Variants in CDH13 observed in about 807,000 individuals in gnomAD.
The protein encoded by CDH13 is cadherin-13.
CDH13 carries 24 observed loss-of-function variants against 63.8 expected under a neutral mutation model. That is an observed-to-expected ratio of 0.38 (90% CI 0.27 to 0.53). The LOEUF is 0.53. Among genes scored for constraint, CDH13 ranks in the 20% least tolerant of loss-of-function variants. The probability of loss-of-function intolerance (pLI) is 0.85; values close to 1 mark genes in which losing one functional copy is unlikely to be tolerated. For synonymous variants in CDH13, 503 were observed against 355.3 expected, an observed-to-expected ratio of 1.42 and a Z score of -4.67; for missense variants, 1,049 against 903.1, an observed-to-expected ratio of 1.16 and a Z score of -2.07.
chr16:83,269,182 A>C (rs1359015044), intron 5 of CDH13, among the ~76,000 whole-genome samples: 1 of 152,176 alleles, frequency 6.6e-6, no homozygotes, highest in African/African-American at 2.4e-5. Context: ...TAGAAATTCA[A>C]ATGTTGTGTC....
chr16:83,783,214 GTCTCATCCA>G (rs763149926), intron 12 of CDH13, 31 bp from the exon 13 acceptor site: 2 of 1,400,418 alleles, frequency 1.4e-6, no homozygotes, highest in African/African-American at 2.8e-5. Flanking sequence ...ATTGGAAAAA[GTCTCATCCA>G]CTCTCACCAG....
At chr16:83,113,768 T>G (rs543485475) in intron 3 of CDH13, among the ~76,000 whole-genome samples, 6 of 152,044 alleles carry the variant, frequency 3.9e-5, no homozygotes, top group Admixed American at 1.3e-4. Flanking sequence ...AGTCACAAGG[T>G]GAGAAGCCCT....
intron 1 of CDH13, among the ~76,000 whole-genome samples, chr16:82,799,364 A>G (rs1369036471): frequency 1.3e-5 from 2 of 152,210 alleles, no homozygotes; most frequent in Admixed American, 6.5e-5. Flanking sequence ...ACTACAAATC[A>G]CTTCCTCTTG....
intron 2 of CDH13, among the ~76,000 whole-genome samples, chr16:82,956,308 C>T (rs1468156601): frequency 6.6e-6 from 1 of 152,078 alleles, no homozygotes; most frequent in African/African-American, 2.4e-5. Context: ...TAGATCTAAA[C>T]CACCATTATC....
intron 3 of CDH13, among the ~76,000 whole-genome samples, chr16:83,079,019 T>C (rs2033048460): frequency 6.6e-6 from 1 of 152,196 alleles, no homozygotes; most frequent in African/African-American, 2.4e-5. Context: ...GGTCTTGAAC[T>C]CCTGACCTCA....
intron 1 of CDH13, among the ~76,000 whole-genome samples, chr16:82,630,205 G>C (rs188382248): frequency 2.0e-5 from 3 of 152,290 alleles, no homozygotes; most frequent in African/African-American, 7.2e-5. Context: ...AAAGGACACA[G>C]GGTTGAAGAG....
chr16:83,608,329 T>C lies in CDH13; in HGVS notation c.1101+5735T>C, dbSNP rs1349119591. 6.5e-4 allele frequency among the ~76,000 whole-genome samples: 99 copies of C among 152,256 alleles called. 2 individuals are homozygous for C. Among genetic ancestry groups the C allele is most frequent in the Non-Finnish European group, 4.9e-4 (33 of 68,000 alleles). On this transcript the variant is annotated intron_variant, in intron 8 of 13. Transcript: ENST00000567109. ...AGGGACAAAGGTAAATGGTAGGAGT[T>C]AGGAGCTGTCAAGCTGCAAGTGAGC...
intron 10 of CDH13, among the ~76,000 whole-genome samples, chr16:83,703,773 A>C (rs1020203478): frequency 6.6e-6 from 1 of 152,232 alleles, no homozygotes; most frequent in Non-Finnish European, 1.5e-5. Context: ...AGACTCCCTC[A>C]GAGGTACTAT....
At chr16:82,723,346 T>C (rs1404148045) in intron 1 of CDH13, among the ~76,000 whole-genome samples, 4 of 152,190 alleles carry the variant, frequency 2.6e-5, no homozygotes, top group African/African-American at 7.2e-5. Flanking sequence ...TATTGAACCT[T>C]TTTGTGGGGA....
chr16:83,029,930 A>G (rs142613938), intron 2 of CDH13, among the ~76,000 whole-genome samples: 37 of 152,340 alleles, frequency 2.4e-4, no homozygotes, highest in Non-Finnish European at 5.1e-4. Context: ...GTACAATTCT[A>G]TGCTTACCCA....
chr16:83,219,537 C>T (rs2039635581), intron 5 of CDH13, among the ~76,000 whole-genome samples: 2 of 152,252 alleles, frequency 1.3e-5, no homozygotes, highest in East Asian at 1.9e-4. Flanking sequence ...TTAGAAAATG[C>T]TGGAAACATA....
intron 8 of CDH13, among the ~76,000 whole-genome samples, chr16:83,626,880 G>A (rs527616990): frequency 8.1e-4 from 123 of 152,192 alleles, no homozygotes; most frequent in Non-Finnish European, 1.3e-3. Flanking sequence ...ATGCCGCTGC[G>A]CCTGTGCTGT....
chr16:82,888,256 C>A (rs113670568), intron 2 of CDH13, among the ~76,000 whole-genome samples: 322 of 152,202 alleles, frequency 2.1e-3, no homozygotes, highest in African/African-American at 7.5e-3. Context: ...TTGCAGGCTG[C>A]CATTTTCATA....
intron 5 of CDH13, among the ~76,000 whole-genome samples, chr16:83,238,055 G>A (rs1433845122): frequency 6.6e-6 from 1 of 152,066 alleles, no homozygotes; most frequent in Admixed American, 6.5e-5. Context: ...TGGAATCCTG[G>A]TTACCAAATT....
At chr16:82,663,725 C>T (rs188126636) in intron 1 of CDH13, among the ~76,000 whole-genome samples, 7 of 152,248 alleles carry the variant, frequency 4.6e-5, no homozygotes, top group African/African-American at 1.4e-4. Context: ...TTGTCTGATT[C>T]GTGTCCATTT....
chr16:82,654,952 C>T (rs1332391904), intron 1 of CDH13, among the ~76,000 whole-genome samples: 2 of 152,158 alleles, frequency 1.3e-5, no homozygotes, highest in African/African-American at 4.8e-5. Context: ...GGCCCACAGC[C>T]ATAGCAAATA....
At chr16:82,653,810 G>A (rs1329168791) in intron 1 of CDH13, among the ~76,000 whole-genome samples, 1 of 152,186 alleles carries the variant, frequency 6.6e-6, no homozygotes, top group South Asian at 2.1e-4. Context: ...CCTGCACCGG[G>A]GCGCAGGATG....
chr16:83,563,770 T>A (rs1260945099), intron 7 of CDH13, among the ~76,000 whole-genome samples: 1 of 152,108 alleles, frequency 6.6e-6, no homozygotes. Context: ...AACCAAAGCC[T>A]CCTGCCCTAT....
chr16:83,202,417 G>A (rs576580051), intron 4 of CDH13, among the ~76,000 whole-genome samples: 1 of 152,192 alleles, frequency 6.6e-6, no homozygotes, highest in East Asian at 1.9e-4. Flanking sequence ...AATGGGGTGG[G>A]GGGCCCTGGA....
Sources: allele counts gnomAD v4.1 joint callset (sites outside exome capture counted in the v4.1 genomes callset), GRCh38; gene constraint gnomAD v4.1.1; transcripts MANE v1.5; gene names NCBI Gene and HGNC (gene_info 2026-07-23, HGNC 2026-07-21).